The following DOCK1 variants were observed in gnomAD, a reference collection of about 807,000 sequenced individuals.
DOCK1 encodes dedicator of cytokinesis protein 1.
A neutral mutation model predicts 262.7 loss-of-function variants in DOCK1; 138 were observed. The observed-to-expected ratio is 0.53, with a 90% CI of 0.46 to 0.61. The LOEUF (loss-of-function observed/expected upper bound fraction) is 0.61. Among genes scored for constraint, DOCK1 ranks in the 20% least tolerant of loss-of-function variants. The probability of loss-of-function intolerance (pLI) is 0.00; values close to 1 mark genes in which losing one functional copy is unlikely to be tolerated. For missense variants in DOCK1, 1,908 were observed against 2,370.7 expected (o/e 0.80, Z 4.05); for synonymous variants, 866 against 867.4 (o/e 1.00, Z 0.03).
intron 22 of DOCK1, among the ~76,000 whole-genome samples, chr10:127,056,693 A>G: frequency 6.6e-6 from 1 of 151,794 alleles, no homozygotes; most frequent in East Asian, 1.9e-4. Context: ...AGACTTTCAC[A>G]GTTTGACTTT....
At chr10:127,362,796 A>G (rs1413624772) in intron 33 of DOCK1, among the ~76,000 whole-genome samples, 1 of 103,972 alleles carries the variant, frequency 9.6e-6, no homozygotes, top group African/African-American at 3.5e-5. Context: ...AAATAAGTAT[A>G]CTGTTTATGT....
At chr10:127,358,269 G>T (rs7068735) in intron 32 of DOCK1, among the ~76,000 whole-genome samples, 28,914 of 152,018 alleles carry the variant, frequency 0.19, 2,935 homozygotes, top group Middle Eastern at 0.34. Context: ...AGGATCTGGG[G>T]TCTGTTTTGC....
At chr10:126,981,612 T>C (rs772711333) in intron 3 of DOCK1, among the ~76,000 whole-genome samples, 5 of 152,220 alleles carry the variant, frequency 3.3e-5, no homozygotes, top group Non-Finnish European at 2.9e-5. Context: ...TTGGCCTTTG[T>C]TCTGCCTGCA....
chr10:127,211,635 A>G (rs927415457), intron 27 of DOCK1, among the ~76,000 whole-genome samples: 2 of 152,214 alleles, frequency 1.3e-5, no homozygotes, highest in African/African-American at 4.8e-5. Context: ...CATAGCAGAA[A>G]TTATGGATCA....
At chr10:126,974,891 T>A (rs751639656) in intron 2 of DOCK1, among the ~76,000 whole-genome samples, 2 of 152,100 alleles carry the variant, frequency 1.3e-5, no homozygotes, top group Non-Finnish European at 2.9e-5. Flanking sequence ...AGGAAAACCA[T>A]GGTTTTCATT....
intron 16 of DOCK1, among the ~76,000 whole-genome samples, chr10:127,030,546 C>T (rs1229288181): frequency 7.9e-5 from 12 of 152,248 alleles, no homozygotes; most frequent in Admixed American, 5.9e-4. Flanking sequence ...GGATTGTCCC[C>T]GTTGTCACTG....
At chr10:126,987,788 C>T (rs1009860158) in intron 5 of DOCK1, among the ~76,000 whole-genome samples, 171 bp downstream of exon 5, 1 of 152,150 alleles carries the variant, frequency 6.6e-6, no homozygotes, top group Non-Finnish European at 1.5e-5. Flanking sequence ...AGTTTAGCCC[C>T]TGCTGGGGGC....
chr10:127,426,258 C>T (rs2068808346), intron 47 of DOCK1, among the ~76,000 whole-genome samples: 1 of 152,238 alleles, frequency 6.6e-6, no homozygotes, highest in South Asian at 2.1e-4. Flanking sequence ...CCAAATGCCC[C>T]CTCACCTGCT....
intron 22 of DOCK1, among the ~76,000 whole-genome samples, chr10:127,059,982 CTG>C (rs2045424303): frequency 6.6e-6 from 1 of 152,152 alleles, no homozygotes. Flanking sequence ...TAATCAGAGA[CTG>C]TGCTCAGTTT....
At chr10:127,243,801 C>T (rs1330972846) in intron 27 of DOCK1, among the ~76,000 whole-genome samples, 2 of 152,128 alleles carry the variant, frequency 1.3e-5, no homozygotes, top group African/African-American at 2.4e-5. Context: ...GAGTTTGTCC[C>T]TCCTGCCAGA....
intron 23 of DOCK1, among the ~76,000 whole-genome samples, chr10:127,074,084 G>A (rs747544236): frequency 6.6e-5 from 10 of 152,280 alleles, no homozygotes; most frequent in African/African-American, 2.4e-4. Flanking sequence ...TATTTCATAT[G>A]TGAGCTTAAA....
chr10:127,138,885 A>C (rs1240846626), intron 27 of DOCK1, among the ~76,000 whole-genome samples: 2 of 152,232 alleles, frequency 1.3e-5, no homozygotes, highest in Non-Finnish European at 1.5e-5. Flanking sequence ...GTCTTTGAAA[A>C]GGACCACATT....
chr10:127,173,967 C>T (rs2054825037), intron 27 of DOCK1, among the ~76,000 whole-genome samples: 1 of 152,202 alleles, frequency 6.6e-6, no homozygotes, highest in Non-Finnish European at 1.5e-5. Context: ...GCAGCCAGAG[C>T]CCAGGGCAGG....
intron 27 of DOCK1, among the ~76,000 whole-genome samples, chr10:127,188,101 A>AT (rs2056445088): frequency 6.6e-6 from 1 of 152,052 alleles, no homozygotes; most frequent in Non-Finnish European, 1.5e-5. Context: ...AGCCCCTTCC[A>AT]TTTTTTTCTA....
chr10:127,208,069 A>G (rs2057804173), intron 27 of DOCK1, among the ~76,000 whole-genome samples: 1 of 152,186 alleles, frequency 6.6e-6, no homozygotes. Flanking sequence ...ATCAAGAATT[A>G]CTTCTGGCAG....
intron 32 of DOCK1, among the ~76,000 whole-genome samples, chr10:127,361,094 A>G (rs1195855522): frequency 1.3e-5 from 2 of 151,354 alleles, no homozygotes; most frequent in Non-Finnish European, 2.9e-5. Flanking sequence ...AAATGAGATT[A>G]ATAAAGTAGT....
intron 33 of DOCK1, among the ~76,000 whole-genome samples, chr10:127,366,449 T>A (rs1278726416): frequency 6.6e-6 from 1 of 152,122 alleles, no homozygotes; most frequent in Non-Finnish European, 1.5e-5. Context: ...TCCCCTGGCC[T>A]CCGTGGCAGT....
intron 23 of DOCK1, among the ~76,000 whole-genome samples, chr10:127,070,832 C>T (rs1192877030): frequency 1.3e-5 from 2 of 151,834 alleles, no homozygotes; most frequent in Non-Finnish European, 2.9e-5. Flanking sequence ...CCAGCTGATG[C>T]TAAGGTTGTG....
At chr10:127,188,273 A>C (rs2056459325) in intron 27 of DOCK1, among the ~76,000 whole-genome samples, 1 of 152,228 alleles carries the variant, frequency 6.6e-6, no homozygotes, top group African/African-American at 2.4e-5. Context: ...AGTTATTGTC[A>C]TGGATGAAAA....
Sources: gnomAD v4.1 joint callset for allele counts (sites outside exome capture counted in the v4.1 genomes callset) on GRCh38, gnomAD v4.1.1 for gene constraint, MANE v1.5 for transcripts, NCBI Gene and HGNC (gene_info 2026-07-23, HGNC 2026-07-21) for gene names.